CCNT2: variants seen among roughly 807,000 people sequenced by gnomAD.
CCNT2 encodes cyclin-T2.
CCNT2 carries 18 observed loss-of-function variants against 70.0 expected under a neutral mutation model. That is an observed-to-expected ratio of 0.26 (90% confidence interval 0.18 to 0.38). The LOEUF (loss-of-function observed/expected upper bound fraction) is 0.38, where lower values mean the gene tolerates loss of function less well. CCNT2 is among the 10% of genes least tolerant of loss of function. The pLI is 1.00. For synonymous variants in CCNT2, 334 were observed against 313.3 expected (o/e 1.07, Z -0.70); for missense variants, 734 against 890.2 (o/e 0.82, Z 2.23).
At chr2:134,947,920 T>C in intron 7 of CCNT2, 21 bp downstream of exon 7, 1 of 1,404,052 alleles carries the variant, frequency 7.1e-7, no homozygotes. Flanking sequence ...AAAATAAATT[T>C]TTAAGTTTGG....
At chr2:134,941,688 A>G (rs913229833) in intron 4 of CCNT2, among the ~76,000 whole-genome samples, 2 of 152,238 alleles carry the variant, frequency 1.3e-5, no homozygotes, top group African/African-American at 4.8e-5. Flanking sequence ...TAAGTAAAAA[A>G]TTGAAAATGA....
At chr2:134,951,049 C>G (rs200787044) in intron 7 of CCNT2, among the ~76,000 whole-genome samples, 1 of 140,070 alleles carries the variant, frequency 7.1e-6, no homozygotes, top group South Asian at 2.2e-4. Flanking sequence ...TTTTTTTTTT[C>G]TTTTTTTTTC....
chr2:134,943,589 A>G (rs1270499669), intron 5 of CCNT2: 34 of 984,944 alleles, frequency 3.5e-5, no homozygotes, highest in Non-Finnish European at 4.1e-5. Context: ...TCTTGTTTAT[A>G]AACAGGAGTA....
chr2:134,936,726 C>G, intron 2 of CCNT2, 115 bp from the exon 3 acceptor site: 1 of 813,454 alleles, frequency 1.2e-6, no homozygotes, highest in Non-Finnish European at 1.8e-6. Flanking sequence ...TGCACTCCAG[C>G]CTGGGCAACA....
At chr2:134,949,801 TC>T (rs1682307141) in intron 7 of CCNT2, among the ~76,000 whole-genome samples, 1 of 7,222 alleles carries the variant, frequency 1.4e-4, no homozygotes, top group Non-Finnish European at 2.9e-4. Context: ...AATTTTTTTT[TC>T]GGGGGGGGGG....
chr2:134,926,677 A>G (rs977875471), intron 2 of CCNT2, among the ~76,000 whole-genome samples: 4 of 152,206 alleles, frequency 2.6e-5, no homozygotes, highest in African/African-American at 9.6e-5. Context: ...AGTCCAGCAC[A>G]TGCCCCATTC....
intron 2 of CCNT2, among the ~76,000 whole-genome samples, chr2:134,929,202 G>A (rs891597334): frequency 6.6e-6 from 1 of 152,156 alleles, no homozygotes; most frequent in Admixed American, 6.5e-5. Flanking sequence ...ACAAATGTGT[G>A]ATAAAGTTAC....
intron 2 of CCNT2, among the ~76,000 whole-genome samples, chr2:134,929,270 G>T (rs1680541387): frequency 6.6e-6 from 1 of 151,998 alleles, no homozygotes. Context: ...TAGGCTTTCG[G>T]TTTCCTTGAA....
At chr2:134,935,580 G>A (rs1011662286) in intron 2 of CCNT2, among the ~76,000 whole-genome samples, 2 of 152,162 alleles carry the variant, frequency 1.3e-5, no homozygotes, top group Non-Finnish European at 2.9e-5. Context: ...CTTGAAAAAT[G>A]GGTACTCAAA....
At chr2:134,926,718 G>A (rs1680327516) in intron 2 of CCNT2, among the ~76,000 whole-genome samples, 1 of 152,180 alleles carries the variant, frequency 6.6e-6, no homozygotes, top group Non-Finnish European at 1.5e-5. Flanking sequence ...TGCTGTGTAT[G>A]TTGACATAGT....
At chr2:134,925,905 A>C (rs1573781177) in intron 2 of CCNT2, among the ~76,000 whole-genome samples, 1 of 123,306 alleles carries the variant, frequency 8.1e-6, no homozygotes, top group South Asian at 2.6e-4. Context: ...TCCCTCTGAC[A>C]CCCGGGCTGG....
At position 134,954,603 on chromosome 2, in the gene CCNT2, C is replaced by G; in HGVS notation, c.2148C>G (p.Phe716Leu). The change falls in exon 9 of 9, where the codon TTC becomes TTG. Residue 716 changes from phenylalanine to leucine, a missense_variant. Transcript: ENST00000264157. ...SSQHMDYKDT[F>L]DMLDSLLSAQ... ...AGCATATGGACTACAAAGACACATT[C>G]GACATGCTGGACTCACTGTTAAGTG... 3 of 1,613,732 alleles carry G rather than the reference C, an allele frequency of 1.9e-6. No homozygotes were observed. The highest frequency in any genetic ancestry group is 2.5e-6 in the Non-Finnish European group (3 of 1,179,668).
In CCNT2 at chr2:134,953,631, A is replaced by T; in HGVS notation, c.1176A>T (p.Gly392=). ...QQGPSISLHS[G]LHHRPDKISD... The stretch of plus-strand genomic sequence containing the variant: ...GACCTTCTATATCACTGCATTCAGG[A>T]TTACATCACAGACCTGACAAAATTT... Residue 392 remains glycine (G), a synonymous_variant, in exon 9 of 9, where the codon GGA becomes GGT. Coordinates refer to ENST00000264157, the MANE Select transcript of CCNT2 (RefSeq NM_058241.3). 3 of 1,614,178 alleles carry T rather than the reference A, an allele frequency of 1.9e-6. No homozygotes were observed. Among genetic ancestry groups the T allele is most frequent in the Non-Finnish European group, 2.5e-6 (3 of 1,180,006 alleles).
Position 134,954,247 on chromosome 2 carries a change from G to A in CCNT2, c.1792G>A (p.Val598Ile), listed in dbSNP as rs1170595390. The A allele has an allele frequency of 1.2e-6, 2 of 1,614,078 alleles. No individual in the cohort carries two copies. Among genetic ancestry groups the A allele is most frequent in the Non-Finnish European group, 1.7e-6 (2 of 1,180,050 alleles). The change falls in exon 9 of 9, where the codon GTT becomes ATT. Residue 598 changes from valine to isoleucine, a missense_variant. Transcript: ENST00000264157. Reference protein sequence around the residue: ...KHSADGIPPTVLRSPVGLSSD... With the variant: ...KHSADGIPPTILRSPVGLSSD... ...CAGTGCCGACGGAATACCACCCACT[G>A]TTCTGAGGAGTCCTGTTGGCCTGAG...
At chr2:134,931,260 A>ATATTTTTTTTTTTTTTTT (rs1351628226) in intron 2 of CCNT2, among the ~76,000 whole-genome samples, 1 of 42,968 alleles carries the variant, frequency 2.3e-5, no homozygotes. Context: ...CCATGCCCGG[A>ATATTTTTTTTTTTTTTTT]TCTTTTTTTT....
At chr2:134,929,533 A>G (rs1363359449) in intron 2 of CCNT2, among the ~76,000 whole-genome samples, 1 of 150,140 alleles carries the variant, frequency 6.7e-6, no homozygotes, top group Admixed American at 6.6e-5. Flanking sequence ...GCTTGAGCCC[A>G]GGAGGTTGAG....
rs1181763836 is a variant in CCNT2 at position 134,945,288 on chromosome 2, A to G, written c.494-813A>G. 1.0e-5 allele frequency: 10 copies of G among 985,400 alleles called. No individual in the cohort carries two copies. In the African/African-American group the frequency reaches 1.2e-4, roughly 12 times the overall value. 61.0% of individuals were successfully genotyped at this position (985,400 alleles called of 1,614,324 possible). A position where few individuals can be genotyped will look rare whatever the true frequency, so the allele number is the denominator to read the frequency against. ...TGAGATAAACTGATCCTAGGTGAGC[A>G]GAGGGGAAAGATATGTCAGTGCTTG... On this transcript the variant is annotated intron_variant, in intron 5 of 8. Coordinates refer to ENST00000264157, the MANE Select transcript of CCNT2 (RefSeq NM_058241.3).
At chr2:134,943,067 T>C in intron 5 of CCNT2, 1 of 985,342 alleles carries the variant, frequency 1.0e-6, no homozygotes, top group African/African-American at 1.7e-5. Flanking sequence ...AGTTGAAGAA[T>C]TTTGAGGCCA....
In CCNT2 at chr2:134,947,950, T is replaced by A. The variant is rs970687309; in HGVS notation, c.703+51T>A. 8 of 1,091,416 alleles carry A rather than the reference T, an allele frequency of 7.3e-6. No homozygotes were observed. The Admixed American group carries it at 9.1e-5, about 12-fold the overall frequency. The allele number at this position is 1,091,416 out of a possible 1,614,324, so 67.6% of individuals were successfully genotyped here. A position where few individuals can be genotyped will look rare whatever the true frequency, so the allele number is the denominator to read the frequency against. On this transcript the variant is annotated intron_variant, in intron 7 of 8. Transcript: ENST00000264157. ...GTTTGGAATTATCTAAGTTGGCAGT[T>A]GTCTGAATTGACAATAGAAAGTGTC...
Sources: gnomAD v4.1 joint callset for allele counts (sites outside exome capture counted in the v4.1 genomes callset) on GRCh38, gnomAD v4.1.1 for gene constraint, MANE v1.5 for transcripts, NCBI Gene and HGNC (gene_info 2026-07-23, HGNC 2026-07-21) for gene names.